The following FSIP2 variants were observed in gnomAD, a reference collection of about 807,000 sequenced individuals.
FSIP2 encodes the protein fibrous sheath interacting protein 2.
In FSIP2, 367 loss-of-function variants were observed where a neutral mutation model predicts 510.5. The observed-to-expected ratio is 0.72, with a 90% CI of 0.66 to 0.78. FSIP2 has a LOEUF of 0.78. Ranked by LOEUF, FSIP2 falls within the 30% of genes least tolerant of loss-of-function variation. The probability of loss-of-function intolerance (pLI) is 0.00; values close to 1 mark genes in which losing one functional copy is unlikely to be tolerated. For synonymous variants in FSIP2, 2,601 were observed against 2,732.2 expected (o/e 0.95, Z 1.50); for missense variants, 7,594 against 7,901.7 (o/e 0.96, Z 1.48).
intron 18 of FSIP2, 72 bp downstream of exon 18, chr2:185,814,114 C>T: frequency 1.4e-6 from 2 of 1,395,364 alleles, no homozygotes; most frequent in Non-Finnish European, 2.0e-6. Context: ...AAGAATGTAC[C>T]TTGATTAGTC....
At position 185,803,743 on chromosome 2, in the gene FSIP2, G is replaced by C. The variant is rs1466284130; in HGVS notation, c.14437G>C (p.Glu4813Gln). 1.3e-6 allele frequency: 2 copies of C among 1,532,448 alleles called. No individual in the cohort carries two copies. Among genetic ancestry groups the C allele is most frequent in the Non-Finnish European group, 1.7e-6 (2 of 1,144,658 alleles). 94.9% of individuals were successfully genotyped at this position (1,532,448 alleles called of 1,614,324 possible). The change falls in exon 17 of 23, where the codon GAG becomes CAG. Residue 4813 changes from glutamate (E) to glutamine (Q), a missense_variant. Transcript: ENST00000424728. ...SQISPLNTSA[E>Q]QSDTTKSDLS... Reference sequence around the variant, plus strand: ...GATAAGTCCATTGAACACCAGTGCAGAGCAGTCAGATACTACTAAATCAGA... The same window carrying C: ...GATAAGTCCATTGAACACCAGTGCACAGCAGTCAGATACTACTAAATCAGA...
chr2:185,792,338 GA>G lies in FSIP2; in HGVS notation c.5209del (p.Ile1737LeufsTer12), dbSNP rs1693156144. On this transcript the variant is annotated frameshift_variant, in exon 16 of 23. Coordinates refer to ENST00000424728, the MANE Select transcript of FSIP2 (RefSeq NM_173651.4). LOFTEE classifies it high-confidence loss of function. ...TTCTAGAAGATGATGCATATACAGC[GA>G]AAAAAATTATTGATGAGAGATCCCC... ...SFLEDDAYTA[K>X]KIIDERSPQR... The G allele has an allele frequency of 1.3e-6, 2 of 1,527,840 alleles. No individual in the cohort carries two copies. The highest frequency in any genetic ancestry group is 1.7e-6 in the Non-Finnish European group (2 of 1,143,732). The allele number at this position is 1,527,840 out of a possible 1,614,324, so 94.6% of individuals were successfully genotyped here. A position where few individuals can be genotyped will look rare whatever the true frequency, so the allele number is the denominator to read the frequency against.
At position 185,800,067 on chromosome 2, in the gene FSIP2, A is replaced by G. The variant is rs1295434236; in HGVS notation, c.10761A>G (p.Thr3587=). The G allele has an allele frequency of 1.3e-6, 2 of 1,532,324 alleles. No homozygotes were observed. Among genetic ancestry groups the G allele is most frequent in the African/African-American group, 1.4e-5 (1 of 72,814 alleles). The allele number at this position is 1,532,324 out of a possible 1,614,324, so 94.9% of individuals were successfully genotyped here. A position where few individuals can be genotyped will look rare whatever the true frequency, so the allele number is the denominator to read the frequency against. ...DIAQKMVAIP[T]KYTYCPGIVS... ...CACAGAAAATGGTTGCCATACCTACAAAATACACTTACTGTCCAGGAATAG... is the reference window on the plus strand; with the variant it reads ...CACAGAAAATGGTTGCCATACCTACGAAATACACTTACTGTCCAGGAATAG... Residue 3587 remains threonine (T), a synonymous_variant, in exon 17 of 23, where the codon ACA becomes ACG. Coordinates refer to ENST00000424728, the MANE Select transcript of FSIP2 (RefSeq NM_173651.4).
Position 185,738,812 on chromosome 2 carries a change from T to G in FSIP2, c.-83T>G. On this transcript the variant is annotated 5_prime_UTR_variant, in exon 1 of 23. Coordinates refer to ENST00000424728, the MANE Select transcript of FSIP2 (RefSeq NM_173651.4). ...GTCGTTGGGCTCTGGCCATTCCTGG[T>G]CAGGTCCGGACAGAGGGACAACGGG... The G allele has an allele frequency of 6.5e-7, 1 of 1,535,766 alleles. No homozygotes were observed. The highest frequency in any genetic ancestry group is 8.7e-7 in the Non-Finnish European group (1 of 1,146,760).
chr2:185,795,706 A>C lies in FSIP2; in HGVS notation c.8570A>C (p.Lys2857Thr). 6.5e-7 allele frequency: 1 copy of C among 1,532,902 alleles called. No homozygotes were observed. The highest frequency in any genetic ancestry group is 8.7e-7 in the Non-Finnish European group (1 of 1,145,066). The allele number at this position is 1,532,902 out of a possible 1,614,324, so 95.0% of individuals were successfully genotyped here. Residue 2857 changes from lysine to threonine, a missense_variant, in exon 16 of 23, where the codon AAG (lysine) becomes ACG (threonine). Lys to Thr is a moderately conservative substitution (Grantham distance 78, BLOSUM62 -1). Coordinates refer to ENST00000424728, the MANE Select transcript of FSIP2 (RefSeq NM_173651.4). ...ESNDKENEKC[K>T]LLMIAENVLT... ...AATGACAAGGAAAATGAAAAATGTA[A>C]GCTATTGATGATAGCTGAAAATGTT...
Position 185,790,215 on chromosome 2 carries a change from T to G in FSIP2, c.3079T>G (p.Ser1027Ala), listed in dbSNP as rs190890869. The G allele has an allele frequency of 2.6e-6, 4 of 1,530,716 alleles. No homozygotes were observed. In the East Asian group the frequency reaches 9.8e-5, roughly 38 times the overall value. 94.8% of individuals were successfully genotyped at this position (1,530,716 alleles called of 1,614,324 possible). A position where few individuals can be genotyped will look rare whatever the true frequency, so the allele number is the denominator to read the frequency against. Residue 1027 changes from serine (S) to alanine (A), a missense_variant, in exon 16 of 23, where the codon TCA (serine) becomes GCA (alanine). Ser to Ala is a moderately conservative substitution (Grantham distance 99, BLOSUM62 1). Coordinates refer to ENST00000424728, the MANE Select transcript of FSIP2 (RefSeq NM_173651.4). ...DSTFKDEKVKSQEQIPNHWFT... is the reference protein window; with the variant it reads ...DSTFKDEKVKAQEQIPNHWFT... The stretch of plus-strand genomic sequence containing the variant: ...AACTTTCAAAGATGAAAAAGTAAAA[T>G]CACAAGAACAGATTCCTAATCATTG...
Position 185,800,343 on chromosome 2 carries a change from G to T in FSIP2, c.11037G>T (p.Lys3679Asn). 1 of 1,532,276 alleles carries T rather than the reference G, an allele frequency of 6.5e-7. No homozygotes were observed. Among genetic ancestry groups the T allele is most frequent in the Non-Finnish European group, 8.7e-7 (1 of 1,145,074 alleles). The allele number at this position is 1,532,276 out of a possible 1,614,324, so 94.9% of individuals were successfully genotyped here. ...ATAAGTTAAGTTATCTTGCATGTAA[G>T]TTAAACAGCCTGGTTGGTAACCTAA... ...QKNKLSYLAC[K>N]LNSLVGNLKT... Residue 3679 changes from lysine (K) to asparagine (N), a missense_variant, in exon 17 of 23, where the codon AAG (lysine) becomes AAT (asparagine). Transcript: ENST00000424728.
intron 13 of FSIP2, among the ~76,000 whole-genome samples, chr2:185,770,247 T>C (rs1015624659): frequency 6.6e-6 from 1 of 152,286 alleles, no homozygotes; most frequent in East Asian, 1.9e-4. Context: ...TCTGGTTTCT[T>C]TGAGCAGTGT....
rs529427251 is a variant in FSIP2, at chr2:185,795,066, G to T, written c.7930G>T (p.Val2644Phe). 1.5e-4 allele frequency: 237 copies of T among 1,534,492 alleles called. No homozygotes were observed. The highest frequency in any genetic ancestry group is 2.0e-4 in the Non-Finnish European group (227 of 1,145,992). ...GGTTCTCAATAAGATCACAAATTTT[G>T]TCTCACTTCCTTTAAAGGTGAGCCC... Reference protein sequence around the residue: ...QMVLNKITNFVSLPLKVSPKD... With the variant: ...QMVLNKITNFFSLPLKVSPKD... The change falls in exon 16 of 23, where the codon GTC (valine) becomes TTC (phenylalanine). Residue 2644 changes from valine (V) to phenylalanine (F), a missense_variant. By Grantham distance (50) the Val-to-Phe change is conservative (BLOSUM62 -1). Transcript: ENST00000424728.
chr2:185,807,013 G>A lies in FSIP2; in HGVS notation c.17707G>A (p.Asp5903Asn), dbSNP rs1278535180. 6.2e-7 allele frequency: 1 copy of A among 1,600,408 alleles called. No individual in the cohort carries two copies. Among genetic ancestry groups the A allele is most frequent in the South Asian group, 1.1e-5 (1 of 88,268 alleles). Residue 5903 changes from aspartate (D) to asparagine (N), a missense_variant, in exon 17 of 23, where the codon GAT (aspartate) becomes AAT (asparagine). Physicochemically the swap from Asp to Asn is conservative, Grantham distance 23 (BLOSUM62 1). Transcript: ENST00000424728. Reference protein sequence around the residue: ...MHKMMRKPSSDKIPSIDKTLV... With the variant: ...MHKMMRKPSSNKIPSIDKTLV... ...TAAAATGATGAGAAAACCTTCTTCA[G>A]ATAAGATACCATCAATTGACAAAAC...
rs556653350 is a variant in FSIP2, at chr2:185,785,787, T to A, written c.1470-465T>A. ...AATAAGCATTCACATATTTTCTTCC[T>A]ACTGTGGAATATGGGGAGAGGACAG... On this transcript the variant is annotated intron_variant, in intron 14 of 22. Transcript: ENST00000424728. Among the ~76,000 whole-genome samples, 4 of 152,132 alleles carry A rather than the reference T, an allele frequency of 2.6e-5. No individual in the cohort carries two copies. The South Asian group carries it at 8.3e-4, about 31-fold the overall frequency.
Position 185,791,217 on chromosome 2 carries a change from A to G in FSIP2, c.4081A>G (p.Ile1361Val), listed in dbSNP as rs1693115007. The change falls in exon 16 of 23, where the codon ATT becomes GTT. Residue 1361 changes from isoleucine to valine, a missense_variant. Physicochemically the swap from Ile to Val is conservative, Grantham distance 29 (BLOSUM62 3). Coordinates refer to ENST00000424728, the MANE Select transcript of FSIP2 (RefSeq NM_173651.4). ...TTTGGCGAGTCCATTATTAACCTGT[A>G]TTTATGATATGTTGTTATCAAGTGA... is the stretch of plus-strand genomic sequence containing the variant. ...DILASPLLTC[I>V]YDMLLSSENA... The G allele has an allele frequency of 6.5e-7, 1 of 1,533,876 alleles. No individual in the cohort carries two copies. Among genetic ancestry groups the G allele is most frequent in the South Asian group, 1.2e-5 (1 of 83,998 alleles).
In FSIP2 at chr2:185,793,977, G is replaced by A; in HGVS notation, c.6841G>A (p.Glu2281Lys). The A allele has an allele frequency of 6.5e-7, 1 of 1,531,664 alleles. No individual in the cohort carries two copies. The highest frequency in any genetic ancestry group is 2.0e-5 in the Admixed American group (1 of 50,556). The allele number at this position is 1,531,664 out of a possible 1,614,324, so 94.9% of individuals were successfully genotyped here. A position where few individuals can be genotyped will look rare whatever the true frequency, so the allele number is the denominator to read the frequency against. Reference protein sequence around the residue: ...SLITLAFQSKEKSFVIPELEN... With the variant: ...SLITLAFQSKKKSFVIPELEN... The stretch of plus-strand genomic sequence containing the variant: ...AATTACCCTTGCTTTCCAAAGTAAA[G>A]AAAAGTCATTTGTTATCCCAGAATT... Residue 2281 changes from glutamate to lysine, a missense_variant, in exon 16 of 23, where the codon GAA becomes AAA. Physicochemically the swap from Glu to Lys is moderately conservative, Grantham distance 56 (BLOSUM62 1). Transcript: ENST00000424728.
In FSIP2 at chr2:185,828,490, T is replaced by A. The variant is rs545430043; in HGVS notation, c.20517+291T>A. 7.2e-5 allele frequency among the ~76,000 whole-genome samples: 11 copies of A among 152,000 alleles called. No individual in the cohort carries two copies. The South Asian group carries it at 2.3e-3, about 32-fold the overall frequency. On this transcript the variant is annotated intron_variant, in intron 21 of 22. Coordinates refer to ENST00000424728, the MANE Select transcript of FSIP2 (RefSeq NM_173651.4). The stretch of plus-strand genomic sequence containing the variant: ...TAAGTACAATTCTGTTTATTAGCTC[T>A]GTTACTACAATCTCCAGAAAAACAC...
chr2:185,777,334 A>G (rs1692747550), intron 13 of FSIP2, among the ~76,000 whole-genome samples: 1 of 151,760 alleles, frequency 6.6e-6, no homozygotes, highest in South Asian at 2.1e-4. Context: ...AAAAAATCAA[A>G]TTATATCTTC....
chr2:185,758,393 C>T (rs1051768513), intron 9 of FSIP2, among the ~76,000 whole-genome samples: 8 of 151,032 alleles, frequency 5.3e-5, no homozygotes, highest in Admixed American at 2.0e-4. Flanking sequence ...TACTAACAGC[C>T]CACCATTGAC....
upstream of FSIP2, chr2:185,738,768 C>T (rs775183260): frequency 6.5e-7 from 1 of 1,535,968 alleles, no homozygotes; most frequent in Non-Finnish European, 8.7e-7. Flanking sequence ...AAGCCTGGAA[C>T]GCGGGGGGCG....
At position 185,802,229 on chromosome 2, in the gene FSIP2, T is replaced by C. The variant is rs1235629417; in HGVS notation, c.12923T>C (p.Phe4308Ser). Residue 4308 changes from phenylalanine to serine, a missense_variant, in exon 17 of 23, where the codon TTT becomes TCT. Coordinates refer to ENST00000424728, the MANE Select transcript of FSIP2 (RefSeq NM_173651.4). ...QSPLDIHLDS[F>S]VREIVARLLS... ...CCTTTAGATATTCACCTTGATTCAT[T>C]TGTAAGGGAGATTGTTGCCAGACTT... The C allele has an allele frequency of 6.5e-7, 1 of 1,533,748 alleles. No individual in the cohort carries two copies. Among genetic ancestry groups the C allele is most frequent in the Admixed American group, 2.0e-5 (1 of 50,830 alleles).
Position 185,788,691 on chromosome 2 carries a change from G to C in FSIP2, c.1555G>C (p.Val519Leu). 1 of 1,530,946 alleles carries C rather than the reference G, an allele frequency of 6.5e-7. No homozygotes were observed. The highest frequency in any genetic ancestry group is 8.7e-7 in the Non-Finnish European group (1 of 1,144,162). 94.8% of individuals were successfully genotyped at this position (1,530,946 alleles called of 1,614,324 possible). A position where few individuals can be genotyped will look rare whatever the true frequency, so the allele number is the denominator to read the frequency against. ...TATAATTCAGAATGTAATGACCTGGGTTGTGGCTACAGTGACCAGTATATT... is the reference window on the plus strand; with the variant it reads ...TATAATTCAGAATGTAATGACCTGGCTTGTGGCTACAGTGACCAGTATATT... ...NIIIQNVMTW[V>L]VATVTSILYP... is the part of the protein sequence containing the mutation. Residue 519 changes from valine to leucine, a missense_variant, in exon 16 of 23, where the codon GTT (valine) becomes CTT (leucine). Val to Leu is a conservative substitution (Grantham distance 32, BLOSUM62 1). Transcript: ENST00000424728.
Sources: gnomAD v4.1 joint callset for allele counts (sites outside exome capture counted in the v4.1 genomes callset) on GRCh38, gnomAD v4.1.1 for gene constraint, MANE v1.5 for transcripts, NCBI Gene and HGNC (gene_info 2026-07-23, HGNC 2026-07-21) for gene names.